Variants in ZNF777 observed in about 807,000 individuals in gnomAD.
ZNF777 encodes the protein zinc finger protein 777.
ZNF777 carries 7 observed loss-of-function variants against 72.1 expected under a neutral mutation model. That is an observed-to-expected ratio of 0.10 (90% CI 0.06 to 0.18). The LOEUF (loss-of-function observed/expected upper bound fraction) is 0.18, where lower values mean the gene tolerates loss of function less well. Ranked by LOEUF, ZNF777 falls within the 10% of genes least tolerant of loss-of-function variation. The pLI, the probability that ZNF777 is intolerant of heterozygous loss-of-function variation, is 1.00. For missense variants in ZNF777, 828 were observed against 1,128.6 expected (o/e 0.73, Z 3.82); for synonymous variants, 545 against 483.5 (o/e 1.13, Z -1.67).
At chr7:149,446,132 C>T (rs1364701434) in intron 4 of ZNF777, among the ~76,000 whole-genome samples, 1 of 152,190 alleles carries the variant, frequency 6.6e-6, no homozygotes, top group Non-Finnish European at 1.5e-5. Context: ...AATCCAAGCA[C>T]TTTGGGAGTC....
chr7:149,458,140 G>A (rs1216347233), intron 1 of ZNF777, among the ~76,000 whole-genome samples: 1 of 152,158 alleles, frequency 6.6e-6, no homozygotes, highest in Non-Finnish European at 1.5e-5. Flanking sequence ...TGGGGTCAGG[G>A]ACCTCTTTGA....
chr7:149,454,045 T>C (rs1229266477), intron 3 of ZNF777, 66 bp downstream of exon 3: 26 of 1,600,412 alleles, frequency 1.6e-5, no homozygotes, highest in Non-Finnish European at 2.2e-5. Flanking sequence ...CAGAACTCCC[T>C]AAGTTTATGA....
At chr7:149,456,624 T>C (rs1420134218) in intron 1 of ZNF777, among the ~76,000 whole-genome samples, 2 of 152,238 alleles carry the variant, frequency 1.3e-5, no homozygotes, top group Non-Finnish European at 2.9e-5. Flanking sequence ...TGTTCTTAAC[T>C]GGAAGGTGGA....
chr7:149,457,525 T>C (rs116460070), intron 1 of ZNF777, among the ~76,000 whole-genome samples: 2,760 of 152,336 alleles, frequency 0.018, 84 homozygotes, highest in African/African-American at 0.063. Context: ...AACAATGACG[T>C]TCCTTTAGTC....
rs770967124 is a variant in ZNF777 at position 149,432,781 on chromosome 7, G to C, written c.1491C>G (p.Pro497=). 3.7e-6 allele frequency: 6 copies of C among 1,609,090 alleles called. No individual in the cohort carries two copies. Among genetic ancestry groups the C allele is most frequent in the South Asian group, 2.2e-5 (2 of 90,830 alleles). The change falls in exon 6 of 6, where the codon CCC becomes CCG. Residue 497 remains proline (P), a synonymous_variant. Coordinates refer to ENST00000247930, the MANE Select transcript of ZNF777 (RefSeq NM_015694.3). ...YQTPLPGEMS[P]EGEESPPPLQ... ...GGGGCGGGGGGCTCTCCTCGCCCTCGGGGGACATCTCCCCGGGCAGCGGGG... is the reference window on the plus strand; with the variant it reads ...GGGGCGGGGGGCTCTCCTCGCCCTCCGGGGACATCTCCCCGGGCAGCGGGG...
At chr7:149,435,626 A>T (rs1382527862) in intron 5 of ZNF777, among the ~76,000 whole-genome samples, 1 of 152,250 alleles carries the variant, frequency 6.6e-6, no homozygotes, top group African/African-American at 2.4e-5. Flanking sequence ...ATGGATGTGG[A>T]TCTATTTCTA....
At chr7:149,448,426 C>T (rs765630822) in intron 4 of ZNF777, among the ~76,000 whole-genome samples, 28 of 147,220 alleles carry the variant, frequency 1.9e-4, no homozygotes, top group Middle Eastern at 3.5e-3. Flanking sequence ...GCAGAGATCA[C>T]GCCACTGCAC....
chr7:149,436,528 G>A lies in ZNF777; in HGVS notation c.1339+47C>T, dbSNP rs2116572287. 6.5e-7 allele frequency: 1 copy of A among 1,541,338 alleles called. No homozygotes were observed. Among genetic ancestry groups the A allele is most frequent in the Non-Finnish European group, 8.7e-7 (1 of 1,143,268 alleles). ...TTCCCAGGGGGCAGGGGCCCTCTGG[G>A]AGGCCTCATGGCAACCCTTCCCCGG... On this transcript the variant is annotated intron_variant, in intron 5 of 5. Coordinates refer to ENST00000247930, the MANE Select transcript of ZNF777 (RefSeq NM_015694.3). The surrounding 1 kb of genome is among the most constrained non-coding windows in gnomAD (Gnocchi z 5.0).
intron 4 of ZNF777, 96 bp downstream of exon 4, chr7:149,450,903 G>A: frequency 2.8e-6 from 3 of 1,090,160 alleles, no homozygotes; most frequent in Non-Finnish European, 4.0e-6. Flanking sequence ...ACATATCCTG[G>A]CAGGGCCTAC....
intron 2 of ZNF777, among the ~76,000 whole-genome samples, chr7:149,454,878 T>C (rs1001646052): frequency 2.6e-5 from 4 of 152,192 alleles, no homozygotes; most frequent in South Asian, 2.1e-4. Context: ...CAGTGACTGA[T>C]GGTAAAGCCT....
intron 1 of ZNF777, among the ~76,000 whole-genome samples, chr7:149,459,490 G>A (rs1585707773): frequency 6.6e-6 from 1 of 152,150 alleles, no homozygotes. Context: ...GCCCAGCTGG[G>A]CGCTGCCCGG....
At chr7:149,444,821 T>C (rs1457818018) in intron 4 of ZNF777, among the ~76,000 whole-genome samples, 1 of 152,252 alleles carries the variant, frequency 6.6e-6, no homozygotes, top group Non-Finnish European at 1.5e-5. Flanking sequence ...TCCTTTGTTC[T>C]CAGTTGCTCT....
In ZNF777 at chr7:149,448,526, T is replaced by A. The variant is rs1799650614; in HGVS notation, c.1087+2473A>T. ...ATATATATATAACTATATATAGTTA[T>A]ACATATAGTTATATATATAGTTATA... On this transcript the variant is annotated intron_variant, in intron 4 of 5. Transcript: ENST00000247930. Among the ~76,000 whole-genome samples the A allele has an allele frequency of 2.8e-5, 4 of 141,096 alleles. No individual in the cohort carries two copies. In the South Asian group the frequency reaches 8.6e-4, roughly 31 times the overall value. The allele number at this position is 141,096 out of a possible 152,430, so 92.6% of individuals were successfully genotyped here.
At chr7:149,452,950 C>T (rs939706832) in intron 3 of ZNF777, among the ~76,000 whole-genome samples, 18 of 152,236 alleles carry the variant, frequency 1.2e-4, no homozygotes, top group Admixed American at 8.5e-4. Flanking sequence ...TCTTCAGCAA[C>T]AGCAGACAGG....
At chr7:149,453,624 C>T (rs1799767225) in intron 3 of ZNF777, among the ~76,000 whole-genome samples, 1 of 152,186 alleles carries the variant, frequency 6.6e-6, no homozygotes, top group African/African-American at 2.4e-5. Context: ...GCACCTGAAT[C>T]ATCGAACAGG....
At chr7:149,438,020 C>T (rs1799447763) in intron 4 of ZNF777, among the ~76,000 whole-genome samples, 3 of 152,002 alleles carry the variant, frequency 2.0e-5, no homozygotes, top group African/African-American at 4.8e-5. Flanking sequence ...GCTGGGATTA[C>T]AGGCACCCGC....
chr7:149,447,145 C>T (rs6971636), intron 4 of ZNF777, among the ~76,000 whole-genome samples: 67,927 of 151,876 alleles, frequency 0.45, 15,332 homozygotes, highest in African/African-American at 0.5. Flanking sequence ...TACTAACATC[C>T]GGGCCCCATC....
chr7:149,455,168 T>C lies in ZNF777; in HGVS notation c.846+9A>G, dbSNP rs1479234963. The C allele has an allele frequency of 1.2e-6, 2 of 1,604,926 alleles. No individual in the cohort carries two copies. Among genetic ancestry groups the C allele is most frequent in the Non-Finnish European group, 1.7e-6 (2 of 1,176,034 alleles). ...CTTCCTTGGGAAGCCCCAGTTGGGATGTGCTTACCTTGGGAACTTCTCCAT... is the reference window on the plus strand; with the variant it reads ...CTTCCTTGGGAAGCCCCAGTTGGGACGTGCTTACCTTGGGAACTTCTCCAT... On this transcript the variant is annotated intron_variant, in intron 2 of 5. Transcript: ENST00000247930. This position sits in a 1 kb window ranked among gnomAD's most constrained non-coding sequence, Gnocchi z 4.2.
intron 3 of ZNF777, among the ~76,000 whole-genome samples, chr7:149,451,576 C>T (rs996972608): frequency 1.3e-5 from 2 of 152,024 alleles, no homozygotes; most frequent in African/African-American, 2.4e-5. Flanking sequence ...CCTGTAATCC[C>T]AGCTACTCGG....
Sources: allele counts gnomAD v4.1 joint callset (sites outside exome capture counted in the v4.1 genomes callset), GRCh38; gene constraint gnomAD v4.1.1; non-coding constraint Gnocchi (gnomAD v3.1); transcripts MANE v1.5; gene names NCBI Gene and HGNC (gene_info 2026-07-23, HGNC 2026-07-21).